The following DMD variants were observed in gnomAD, a reference collection of about 807,000 sequenced individuals.
DMD encodes mutant dystrophin.
Under a neutral mutation model 330.1 loss-of-function variants are expected in DMD, and 63 were observed. The observed-to-expected ratio is 0.19, with a 90% CI of 0.16 to 0.24. The LOEUF (loss-of-function observed/expected upper bound fraction) is 0.24, where lower values mean the gene tolerates loss of function less well. Ranked by LOEUF, DMD falls within the 10% of genes least tolerant of loss-of-function variation. The probability of loss-of-function intolerance (pLI) is 1.00; values close to 1 mark genes in which losing one functional copy is unlikely to be tolerated. For missense variants in DMD, 3,344 were observed against 2,684.1 expected (o/e 1.25, Z -5.43); for synonymous variants, 1,223 against 959.8 (o/e 1.27, Z -5.07).
rs1266161007 is a variant in DMD, at chrX:31,512,171, T to G, written c.8218-4718A>C. 2.4e-4 allele frequency among the ~76,000 whole-genome samples: 27 copies of G among 111,031 alleles called. No homozygotes were observed. The East Asian group carries it at 6.7e-3, about 28-fold the overall frequency. On this transcript the variant is annotated intron_variant, in intron 55 of 78. Coordinates refer to ENST00000357033, the MANE Select transcript of DMD (RefSeq NM_004006.3). The stretch of plus-strand genomic sequence containing the variant: ...CTGTTCATGTCCTTCACCCACTTTT[T>G]GATGGGGTTGTTTGTTTTTTTCTTG...
intron 16 of DMD, among the ~76,000 whole-genome samples, chrX:32,553,233 G>T (rs2049784201): frequency 1.8e-5 from 2 of 111,874 alleles, no homozygotes; most frequent in African/African-American, 6.5e-5. Context: ...ATTCTATGCA[G>T]CCATGAAAAA....
rs139041200 is a variant in DMD, at chrX:33,031,574, C to T, written c.32-11374G>A. 6.5e-3 allele frequency among the ~76,000 whole-genome samples: 717 copies of T among 110,865 alleles called. 7 individuals are homozygous for T. Among genetic ancestry groups the T allele is most frequent in the African/African-American group, 0.022 (667 of 30,500 alleles). ...CAGCATGAGGTCAGGAGTTCGAGAC[C>T]AGCCTGATCAACGCAGTGAAGCCCC... On this transcript the variant is annotated intron_variant, in intron 1 of 78. Transcript: ENST00000357033.
chrX:31,277,378 A>G (rs2052225066), intron 62 of DMD, among the ~76,000 whole-genome samples: 1 of 112,046 alleles, frequency 8.9e-6, no homozygotes, highest in Non-Finnish European at 1.9e-5. Context: ...AAAGGTGGGT[A>G]TAATTTGGTT....
chrX:31,280,043 T>C (rs1267940390), intron 62 of DMD, among the ~76,000 whole-genome samples: 1 of 112,230 alleles, frequency 8.9e-6, no homozygotes, highest in African/African-American at 3.2e-5. Flanking sequence ...AAGTAGCTGT[T>C]ACACATCTGC....
intron 7 of DMD, among the ~76,000 whole-genome samples, chrX:32,737,394 A>C (rs760306604): frequency 5.3e-4 from 59 of 111,536 alleles, no homozygotes; most frequent in African/African-American, 1.8e-3. Flanking sequence ...ATTAGGTCTT[A>C]TAAAACTTCC....
intron 55 of DMD, among the ~76,000 whole-genome samples, chrX:31,578,109 T>C (rs919537257): frequency 3.6e-5 from 4 of 111,500 alleles, no homozygotes; most frequent in African/African-American, 1.3e-4. Flanking sequence ...ATCAGAGCAG[T>C]GCTAGTCATT....
intron 1 of DMD, among the ~76,000 whole-genome samples, chrX:33,163,624 C>CTATCTATCTATCTATGTATCTATG (rs1557282375): frequency 0.074 from 6,146 of 82,747 alleles, 205 homozygotes; most frequent in South Asian, 0.25. Context: ...CTATCTCTAT[C>CTATCTATCTATCTATGTATCTATG]TATCTATCTA....
chrX:31,669,216 A>G (rs759526577), intron 53 of DMD, among the ~76,000 whole-genome samples: 1 of 112,147 alleles, frequency 8.9e-6, no homozygotes, highest in Non-Finnish European at 1.9e-5. Context: ...ACTAATATAC[A>G]TTCCCACCAA....
chrX:32,458,930 T>C (rs1042914274), intron 25 of DMD, among the ~76,000 whole-genome samples: 39 of 111,070 alleles, frequency 3.5e-4, no homozygotes, highest in African/African-American at 1.2e-3. Flanking sequence ...TTGTGAATAT[T>C]TCCTTCCATT....
intron 49 of DMD, among the ~76,000 whole-genome samples, chrX:31,824,334 GCTCACTGCAACCTTTGC>G (rs1287286300): frequency 9.1e-6 from 1 of 110,418 alleles, no homozygotes; most frequent in Non-Finnish European, 1.9e-5. Flanking sequence ...TGAGATCTTG[GCTCACTGCAACCTTTGC>G]CTCCTGGGTT....
At chrX:33,043,378 G>A (rs766146351) in intron 1 of DMD, among the ~76,000 whole-genome samples, 1 of 111,701 alleles carries the variant, frequency 9.0e-6, no homozygotes, top group Admixed American at 9.5e-5. Context: ...AGAGGTTTGG[G>A]CAGTCAAACA....
intron 1 of DMD, among the ~76,000 whole-genome samples, chrX:33,285,081 G>T (rs1177630778): frequency 9.0e-6 from 1 of 111,458 alleles, no homozygotes; most frequent in Non-Finnish European, 1.9e-5. Flanking sequence ...AGTTGGTTAA[G>T]CTATTCATAC....
chrX:31,387,226 A>AT (rs1243022063), intron 60 of DMD, among the ~76,000 whole-genome samples: 1 of 111,380 alleles, frequency 9.0e-6, no homozygotes, highest in Non-Finnish European at 1.9e-5. Context: ...GCTTTCTGTC[A>AT]TTTTTTAAAA....
intron 44 of DMD, among the ~76,000 whole-genome samples, chrX:32,022,372 A>T (rs951380185): frequency 1.8e-5 from 2 of 112,267 alleles, no homozygotes; most frequent in African/African-American, 6.5e-5. Flanking sequence ...CTATATTAAA[A>T]ATTATCTCTC....
chrX:31,549,801 G>A (rs1179713538), intron 55 of DMD, among the ~76,000 whole-genome samples: 2 of 112,172 alleles, frequency 1.8e-5, no homozygotes, highest in African/African-American at 6.5e-5. Flanking sequence ...TACAGCATAA[G>A]TTATTCTTGA....
chrX:31,955,235 A>G (rs1166599895), intron 45 of DMD, among the ~76,000 whole-genome samples: 1 of 111,893 alleles, frequency 8.9e-6, no homozygotes, highest in East Asian at 2.8e-4. Context: ...ACATAAGAGG[A>G]AGCACATATC....
intron 2 of DMD, among the ~76,000 whole-genome samples, chrX:32,958,501 A>G (rs2091722593): frequency 9.0e-6 from 1 of 111,161 alleles, no homozygotes; most frequent in African/African-American, 3.3e-5. Context: ...AAGGACTATC[A>G]GTTACCTTAA....
In DMD at chrX:32,958,115, G is replaced by GT. The variant is rs756640651; in HGVS notation, c.93+62023dup. Among the ~76,000 whole-genome samples, 3 of 111,533 alleles carry GT rather than the reference G, an allele frequency of 2.7e-5. No individual in the cohort carries two copies. In the South Asian group the frequency reaches 1.1e-3, roughly 41 times the overall value. On this transcript the variant is annotated intron_variant, in intron 2 of 78. Transcript: ENST00000357033. ...GTCATTAGAAACATAGATTTTCAGC[G>GT]TAAGAGAGAAGAGACTGCAGTTAAA...
At chrX:32,991,697 T>G (rs1052974703) in intron 2 of DMD, among the ~76,000 whole-genome samples, 1 of 112,038 alleles carries the variant, frequency 8.9e-6, no homozygotes, top group East Asian at 2.8e-4. Context: ...TACAGATAAA[T>G]GGATGCCATC....
Sources: gnomAD v4.1 joint callset for allele counts (sites outside exome capture counted in the v4.1 genomes callset) on GRCh38, gnomAD v4.1.1 for gene constraint, MANE v1.5 for transcripts, NCBI Gene and HGNC (gene_info 2026-07-23, HGNC 2026-07-21) for gene names.